BMPER: variants seen among roughly 807,000 people sequenced by gnomAD.
BMPER encodes the protein BMP-binding endothelial regulator protein.
Under a neutral mutation model 87.3 loss-of-function variants are expected in BMPER, and 45 were observed. That is an observed-to-expected ratio of 0.52 (90% CI 0.41 to 0.66). The LOEUF is 0.66. Ranked by LOEUF, BMPER falls within the 30% of genes least tolerant of loss-of-function variation. The pLI, the probability that BMPER is intolerant of heterozygous loss-of-function variation, is 0.00. For missense variants in BMPER, 784 were observed against 867.5 expected (o/e 0.90, Z 1.21); for synonymous variants, 326 against 316.2 (o/e 1.03, Z -0.33).
chr7:33,976,975 A>G (rs546609256), intron 6 of BMPER, among the ~76,000 whole-genome samples: 204 of 152,292 alleles, frequency 1.3e-3, no homozygotes, highest in Middle Eastern at 3.4e-3. Context: ...TTCTAATTTC[A>G]TATATTCCTG....
At chr7:34,116,625 G>A (rs12701345) in intron 13 of BMPER, among the ~76,000 whole-genome samples, 25,908 of 152,088 alleles carry the variant, frequency 0.17, 2,398 homozygotes, top group Non-Finnish European at 0.2. Flanking sequence ...CATCTTCTTT[G>A]AATTGTGTAT....
At chr7:33,943,465 G>T (rs1270746761) in intron 3 of BMPER, among the ~76,000 whole-genome samples, 1 of 152,204 alleles carries the variant, frequency 6.6e-6, no homozygotes, top group East Asian at 1.9e-4. Flanking sequence ...CCTCCCTATT[G>T]ATAGCTGTTT....
rs373590336 is a variant in BMPER, at chr7:33,995,932, T to C, written c.576+21148T>C. On this transcript the variant is annotated intron_variant, in intron 6 of 14. Transcript: ENST00000649409. ...TTTCTGGAGTTGGTCAGACAGGGAT[T>C]CCATTCAGCTCTGCTCCTCGAGCAA... Among the ~76,000 whole-genome samples, 7 of 152,248 alleles carry C rather than the reference T, an allele frequency of 4.6e-5. No individual in the cohort carries two copies. In the East Asian group the frequency reaches 1.2e-3, roughly 25 times the overall value.
At chr7:34,030,466 C>T (rs187586376) in intron 6 of BMPER, among the ~76,000 whole-genome samples, 41 of 152,140 alleles carry the variant, frequency 2.7e-4, no homozygotes, top group Admixed American at 8.5e-4. Flanking sequence ...TTTAAAAAGC[C>T]GTCAATGAAG....
chr7:34,016,701 G>T (rs1016141733), intron 6 of BMPER, among the ~76,000 whole-genome samples: 1 of 151,920 alleles, frequency 6.6e-6, no homozygotes, highest in Non-Finnish European at 1.5e-5. Context: ...AACCACTGTG[G>T]TTCCTAATTT....
chr7:34,006,915 G>A (rs1786749815), intron 6 of BMPER, among the ~76,000 whole-genome samples: 1 of 152,076 alleles, frequency 6.6e-6, no homozygotes, highest in Non-Finnish European at 1.5e-5. Flanking sequence ...GGAGATTTGA[G>A]GAGCACGTCA....
chr7:34,034,685 A>T (rs1435743733), intron 6 of BMPER, among the ~76,000 whole-genome samples: 2 of 152,198 alleles, frequency 1.3e-5, no homozygotes, highest in African/African-American at 4.8e-5. Context: ...GAATCTCACA[A>T]AGATTTTAGT....
At chr7:33,945,129 G>C (rs562367068) in intron 3 of BMPER, among the ~76,000 whole-genome samples, 2 of 152,024 alleles carry the variant, frequency 1.3e-5, no homozygotes, top group East Asian at 3.9e-4. Context: ...TTTTAGTAGA[G>C]ACAGGGTTTC....
intron 6 of BMPER, among the ~76,000 whole-genome samples, chr7:33,980,205 A>C (rs1273807049): frequency 6.6e-6 from 1 of 152,220 alleles, no homozygotes; most frequent in Non-Finnish European, 1.5e-5. Flanking sequence ...TAAAAGAGCC[A>C]AGAGAATCAC....
At chr7:33,961,469 G>T (rs1785269712) in intron 3 of BMPER, among the ~76,000 whole-genome samples, 1 of 152,216 alleles carries the variant, frequency 6.6e-6, no homozygotes. Context: ...TAGGAAGATG[G>T]CTTAAGAAAG....
At chr7:34,152,702 A>C (rs1376540945) in intron 14 of BMPER, among the ~76,000 whole-genome samples, 1 of 152,104 alleles carries the variant, frequency 6.6e-6, no homozygotes, top group African/African-American at 2.4e-5. Flanking sequence ...TTGAATATTG[A>C]TGTAGTTGCA....
At chr7:34,114,213 G>A (rs1790054306) in intron 13 of BMPER, among the ~76,000 whole-genome samples, 1 of 152,144 alleles carries the variant, frequency 6.6e-6, no homozygotes, top group East Asian at 1.9e-4. Context: ...ATCCCTGTGG[G>A]GGCCGAGTCC....
intron 2 of BMPER, among the ~76,000 whole-genome samples, chr7:33,936,970 G>A (rs538497173): frequency 6.6e-6 from 1 of 152,288 alleles, no homozygotes; most frequent in Admixed American, 6.5e-5. Context: ...CGTTTCTGTA[G>A]TGTGTACTAA....
intron 2 of BMPER, among the ~76,000 whole-genome samples, chr7:33,916,085 T>C (rs886795338): frequency 2.0e-5 from 3 of 152,212 alleles, no homozygotes; most frequent in African/African-American, 7.2e-5. Context: ...TTAAATTAAA[T>C]GGACTGTATT....
intron 3 of BMPER, among the ~76,000 whole-genome samples, chr7:33,953,450 C>T (rs1317255608): frequency 6.6e-6 from 1 of 152,182 alleles, no homozygotes; most frequent in Non-Finnish European, 1.5e-5. Flanking sequence ...ACATTTCTTT[C>T]AGAACCTTTG....
Position 34,024,369 on chromosome 7 carries a change from A to C in BMPER, c.577-21937A>C, listed in dbSNP as rs1051397136. Among the ~76,000 whole-genome samples the C allele has an allele frequency of 7.2e-5, 7 of 97,770 alleles. No individual in the cohort carries two copies. In the South Asian group the frequency reaches 1.1e-3, roughly 15 times the overall value. The allele number at this position is 97,770 out of a possible 152,430, so 64.1% of individuals were successfully genotyped here. ...CGAAACTCTGTCTCAAAAAAAAAAA[A>C]AAAAAAAAAAAAACAATATATATAT... is the stretch of plus-strand genomic sequence containing the variant. On this transcript the variant is annotated intron_variant, in intron 6 of 14. Transcript: ENST00000649409.
At chr7:34,024,124 T>A (rs1486616436) in intron 6 of BMPER, among the ~76,000 whole-genome samples, 1 of 151,042 alleles carries the variant, frequency 6.6e-6, no homozygotes, top group Admixed American at 6.6e-5. Context: ...TAAATTAATA[T>A]GTGTGGGTGG....
chr7:33,995,441 G>C (rs1182615521), intron 6 of BMPER, among the ~76,000 whole-genome samples: 1 of 152,124 alleles, frequency 6.6e-6, no homozygotes, highest in Non-Finnish European at 1.5e-5. Context: ...TGAGAGCCAG[G>C]ATGAGACCTC....
At chr7:33,991,532 A>G (rs561371362) in intron 6 of BMPER, among the ~76,000 whole-genome samples, 41 of 152,138 alleles carry the variant, frequency 2.7e-4, no homozygotes, top group African/African-American at 8.4e-4. Flanking sequence ...TCTTGCTAGC[A>G]GTCTATCAAT....
Sources: allele counts gnomAD v4.1 joint callset (sites outside exome capture counted in the v4.1 genomes callset), GRCh38; gene constraint gnomAD v4.1.1; transcripts MANE v1.5; gene names NCBI Gene and HGNC (gene_info 2026-07-23, HGNC 2026-07-21).